CAPN8: variants seen among roughly 807,000 people sequenced by gnomAD.
CAPN8 encodes calpain-8.
CAPN8 carries 87 observed loss-of-function variants against 80.9 expected under a neutral mutation model. That is an observed-to-expected ratio of 1.07 (90% CI 0.90 to 1.28). CAPN8 has a LOEUF of 1.28. Ranked by LOEUF, CAPN8 falls within the 50% of genes most tolerant of loss-of-function variation. CAPN8 has a pLI of 0.00. For missense variants in CAPN8, 757 were observed against 702.0 expected, an observed-to-expected ratio of 1.08 and a Z score of -0.89; for synonymous variants, 299 against 273.8, an observed-to-expected ratio of 1.09 and a Z score of -0.91.
chr1:223,662,907 T>A (rs1340534704), intron 1 of CAPN8, among the ~76,000 whole-genome samples: 1 of 152,234 alleles, frequency 6.6e-6, no homozygotes, highest in Non-Finnish European at 1.5e-5. Context: ...AACTGTAAGA[T>A]CTTAGAGGAT....
chr1:223,612,148 G>T, intron 11 of CAPN8, 98 bp downstream of exon 11: 2 of 1,054,006 alleles, frequency 1.9e-6, no homozygotes, highest in Non-Finnish European at 2.4e-6. Flanking sequence ...GGAACAACCA[G>T]CTTCTACCAC....
intron 2 of CAPN8, among the ~76,000 whole-genome samples, chr1:223,632,640 G>A (rs1276413892): frequency 1.3e-5 from 2 of 152,148 alleles, no homozygotes; most frequent in Non-Finnish European, 2.9e-5. Context: ...TAAGTGCTGG[G>A]ATTATAAGCA....
intron 19 of CAPN8, among the ~76,000 whole-genome samples, chr1:223,543,775 T>A (rs1656537366): frequency 6.6e-6 from 1 of 152,224 alleles, no homozygotes; most frequent in South Asian, 2.1e-4. Flanking sequence ...GACTCATTCA[T>A]CTTGGCCTAG....
At chr1:223,549,282 T>C (rs200192172) in intron 16 of CAPN8, 36 bp downstream of exon 16, 15 of 1,426,532 alleles carry the variant, frequency 1.1e-5, no homozygotes, top group Non-Finnish European at 1.3e-5. Context: ...CGGACGAAAG[T>C]AAAAAAAAAA....
At chr1:223,663,745 C>T (rs1008954000) in intron 1 of CAPN8, among the ~76,000 whole-genome samples, 6 of 152,188 alleles carry the variant, frequency 3.9e-5, no homozygotes, top group East Asian at 1.9e-4. Context: ...AGATGAACCA[C>T]GGTGGGCGGG....
In CAPN8 at chr1:223,544,058, G is replaced by T. The variant is rs896147885; in HGVS notation, c.2029+9C>A. 5.6e-6 allele frequency: 4 copies of T among 717,798 alleles called. No homozygotes were observed. Among genetic ancestry groups the T allele is most frequent in the Non-Finnish European group, 7.8e-6 (3 of 385,086 alleles). 44.5% of individuals were successfully genotyped at this position (717,798 alleles called of 1,614,324 possible). A position where few individuals can be genotyped will look rare whatever the true frequency, so the allele number is the denominator to read the frequency against. ...TAATAGGATGGGGCTGGAGGACAGA[G>T]TGACTCACTGAAGAGGGTCTCCAGG... On this transcript the variant is annotated intron_variant, in intron 19 of 20. Coordinates refer to ENST00000366872, the MANE Select transcript of CAPN8 (RefSeq NM_001143962.2).
At chr1:223,629,571 G>C (rs892014309) in intron 2 of CAPN8, among the ~76,000 whole-genome samples, 7 of 152,186 alleles carry the variant, frequency 4.6e-5, no homozygotes, top group African/African-American at 1.7e-4. Context: ...GTCCCTTGCA[G>C]TGTCAACTTC....
At chr1:223,543,084 T>C in intron 20 of CAPN8, 24 bp downstream of exon 20, 1 of 1,551,182 alleles carries the variant, frequency 6.4e-7, no homozygotes, top group Non-Finnish European at 8.7e-7. Flanking sequence ...CAGCCAGCAA[T>C]TCATCAAACC....
chr1:223,616,179 G>C (rs182699599), intron 9 of CAPN8, 34 bp from the exon 10 acceptor site: 8 of 1,531,452 alleles, frequency 5.2e-6, no homozygotes, highest in Non-Finnish European at 7.1e-6. Flanking sequence ...GGTTCCCCAC[G>C]TAGCGGGTGA....
At chr1:223,653,396 A>C (rs1658393355) in intron 2 of CAPN8, among the ~76,000 whole-genome samples, 1 of 152,086 alleles carries the variant, frequency 6.6e-6, no homozygotes, top group Non-Finnish European at 1.5e-5. Context: ...AGCAGGCTGA[A>C]GAGAAAGGGC....
chr1:223,638,836 T>C (rs924593986), intron 2 of CAPN8, among the ~76,000 whole-genome samples: 8 of 152,244 alleles, frequency 5.3e-5, no homozygotes, highest in African/African-American at 1.9e-4. Flanking sequence ...GAGTCAGATT[T>C]AAAGCACTCG....
chr1:223,622,656 C>G (rs191890592), intron 7 of CAPN8, 159 bp downstream of exon 7: 92 of 635,620 alleles, frequency 1.4e-4, no homozygotes, highest in African/African-American at 1.4e-3. Flanking sequence ...CTTTTCCCAG[C>G]CTGGATCCAT....
intron 15 of CAPN8, among the ~76,000 whole-genome samples, chr1:223,550,539 A>T (rs2102690441): frequency 6.6e-6 from 1 of 152,260 alleles, no homozygotes; most frequent in Non-Finnish European, 1.5e-5. Flanking sequence ...AGTCAGAATC[A>T]TCCCTTCCTT....
At chr1:223,643,773 A>G (rs1658108388) in intron 2 of CAPN8, among the ~76,000 whole-genome samples, 1 of 152,190 alleles carries the variant, frequency 6.6e-6, no homozygotes, top group Non-Finnish European at 1.5e-5. Context: ...GTGAAAGCCG[A>G]CTGGCATGCA....
At chr1:223,632,367 G>GGTTTTGTTTTGTTTTGTTTT (rs71572867) in intron 2 of CAPN8, among the ~76,000 whole-genome samples, 239 of 151,662 alleles carry the variant, frequency 1.6e-3, no homozygotes, top group Non-Finnish European at 2.5e-3. Flanking sequence ...TTGGAGCATA[G>GGTTTTGTTTTGTTTTGTTTT]GTTTTGTTTT....
At chr1:223,637,607 C>G (rs958905062) in intron 2 of CAPN8, among the ~76,000 whole-genome samples, 2 of 152,148 alleles carry the variant, frequency 1.3e-5, no homozygotes, top group African/African-American at 4.8e-5. Context: ...CCATCTTGCA[C>G]CAGCCTCCAA....
At chr1:223,629,288 G>C (rs548107198) in intron 2 of CAPN8, among the ~76,000 whole-genome samples, 7 of 151,496 alleles carry the variant, frequency 4.6e-5, no homozygotes, top group Admixed American at 3.3e-4. Flanking sequence ...TGCGTGGTCT[G>C]TTTACAGTAT....
In CAPN8 at chr1:223,552,516, C is replaced by A. The variant is rs1558337425; in HGVS notation, c.1641+1316G>T. Among the ~76,000 whole-genome samples the A allele has an allele frequency of 2.8e-5, 4 of 143,392 alleles. No individual in the cohort carries two copies. The South Asian group carries it at 9.1e-4, about 33-fold the overall frequency. 94.1% of individuals were successfully genotyped at this position (143,392 alleles called of 152,430 possible). ...GAAGCAGAGGTTGCAGTGAGCCGTG[C>A]ACCACTGCACTCCAGCCTGGGTCAC... is the stretch of plus-strand genomic sequence containing the variant. On this transcript the variant is annotated intron_variant, in intron 14 of 20. Transcript: ENST00000366872.
chr1:223,615,847 G>C lies in CAPN8; in HGVS notation c.1311+123C>G, dbSNP rs1029514753. ...GCCACTGGGAGAGGTATATAGAGGAGCAAGGACGCTTCTCGATTAGGAATA... is the reference window on the plus strand; with the variant it reads ...GCCACTGGGAGAGGTATATAGAGGACCAAGGACGCTTCTCGATTAGGAATA... On this transcript the variant is annotated intron_variant, in intron 10 of 20. Coordinates refer to ENST00000366872, the MANE Select transcript of CAPN8 (RefSeq NM_001143962.2). 2.5e-6 allele frequency: 3 copies of C among 1,219,020 alleles called. No individual in the cohort carries two copies. In the Admixed American group the frequency reaches 5.9e-5, roughly 24 times the overall value. The allele number at this position is 1,219,020 out of a possible 1,614,324, so 75.5% of individuals were successfully genotyped here. A position where few individuals can be genotyped will look rare whatever the true frequency, so the allele number is the denominator to read the frequency against.
Sources: allele counts gnomAD v4.1 joint callset (sites outside exome capture counted in the v4.1 genomes callset), GRCh38; gene constraint gnomAD v4.1.1; transcripts MANE v1.5; gene names NCBI Gene and HGNC (gene_info 2026-07-23, HGNC 2026-07-21).